The following TRPM3 variants were observed in gnomAD, a reference collection of about 807,000 sequenced individuals.
The protein encoded by TRPM3 is transient receptor potential cation channel subfamily M member 3.
In TRPM3, 77 loss-of-function variants were observed where a neutral mutation model predicts 181.2. The ratio of observed to expected loss-of-function variants is 0.42; its 90% CI spans 0.35 to 0.51. The LOEUF is 0.51. Among genes scored for constraint, TRPM3 ranks in the 20% least tolerant of loss-of-function variants. TRPM3 has a pLI of 0.01. For missense variants in TRPM3, 1,759 were observed against 2,196.7 expected, an observed-to-expected ratio of 0.80 and a Z score of 3.98; for synonymous variants, 745 against 796.4, an observed-to-expected ratio of 0.94 and a Z score of 1.09.
intron 1 of TRPM3, among the ~76,000 whole-genome samples, chr9:71,356,623 G>C (rs1052237166): frequency 1.3e-5 from 2 of 152,150 alleles, no homozygotes; most frequent in Non-Finnish European, 2.9e-5. Context: ...AGTTAAAGGA[G>C]ATAATCCATG....
chr9:70,777,013 C>T (rs1242891649), intron 7 of TRPM3, among the ~76,000 whole-genome samples: 1 of 152,000 alleles, frequency 6.6e-6, no homozygotes, highest in Non-Finnish European at 1.5e-5. Context: ...AGTTTGATAA[C>T]CACGTTTATT....
At chr9:71,074,017 A>G (rs28705359) in intron 1 of TRPM3, among the ~76,000 whole-genome samples, 21,511 of 152,114 alleles carry the variant, frequency 0.14, 3,671 homozygotes, top group African/African-American at 0.41. Context: ...ATTAAATTGG[A>G]GCTTTTCAGT....
At chr9:70,679,607 C>G (rs989311433) in intron 9 of TRPM3, among the ~76,000 whole-genome samples, 2 of 152,146 alleles carry the variant, frequency 1.3e-5, no homozygotes, top group Admixed American at 1.3e-4. Context: ...TGGGGTCAGA[C>G]TGTCTCTACC....
chr9:71,410,658 C>T (rs2093529637), intron 1 of TRPM3, among the ~76,000 whole-genome samples: 1 of 152,172 alleles, frequency 6.6e-6, no homozygotes, highest in East Asian at 1.9e-4. Flanking sequence ...GACGGATTCA[C>T]AGCCAAATTC....
chr9:70,918,225 G>C lies in TRPM3; in HGVS notation c.178-53714C>G, dbSNP rs2096620863. Among the ~76,000 whole-genome samples the C allele has an allele frequency of 2.6e-5, 4 of 152,130 alleles. No homozygotes were observed. In the South Asian group the frequency reaches 8.3e-4, roughly 31 times the overall value. On this transcript the variant is annotated intron_variant, in intron 1 of 25. Transcript: ENST00000677713. ...CATTAGACAGATCACTCAGAAAGAA[G>C]ATCAGCAAAGAAACACAGAACTTAG... is the stretch of plus-strand genomic sequence containing the variant.
At chr9:70,568,624 A>G (rs2051300447) in intron 22 of TRPM3, among the ~76,000 whole-genome samples, 1 of 152,248 alleles carries the variant, frequency 6.6e-6, no homozygotes, top group Non-Finnish European at 1.5e-5. Context: ...TGGCCATTTT[A>G]CAGATGAGTA....
intron 1 of TRPM3, among the ~76,000 whole-genome samples, chr9:70,913,589 C>T (rs2096560454): frequency 1.3e-5 from 2 of 152,080 alleles, no homozygotes; most frequent in South Asian, 4.2e-4. Context: ...CAAAAACAAC[C>T]AACAATTATT....
At chr9:71,012,823 G>T (rs2097756674) in intron 1 of TRPM3, among the ~76,000 whole-genome samples, 1 of 151,900 alleles carries the variant, frequency 6.6e-6, no homozygotes. Flanking sequence ...TAGATATTAT[G>T]TTATCAGTCA....
intron 6 of TRPM3, among the ~76,000 whole-genome samples, chr9:70,820,449 G>A (rs1588825960): frequency 1.3e-5 from 2 of 152,150 alleles, no homozygotes; most frequent in African/African-American, 2.4e-5. Flanking sequence ...GTGCAATGGT[G>A]AATTCCTGAC....
At chr9:70,589,907 A>G (rs991613806) in intron 22 of TRPM3, among the ~76,000 whole-genome samples, 5 of 151,908 alleles carry the variant, frequency 3.3e-5, no homozygotes, top group African/African-American at 1.2e-4. Flanking sequence ...CCTTGTCCCT[A>G]TTTTCCTGGT....
intron 1 of TRPM3, among the ~76,000 whole-genome samples, chr9:71,084,060 G>A (rs2064866378): frequency 6.6e-6 from 1 of 151,848 alleles, no homozygotes; most frequent in Non-Finnish European, 1.5e-5. Context: ...TACAGAAGAA[G>A]GAGATTTTTG....
chr9:71,121,245 CGAG>C lies in TRPM3; in HGVS notation c.107_109del (p.Pro36del). The C allele has an allele frequency of 6.2e-7, 1 of 1,614,098 alleles. No homozygotes were observed. The highest frequency in any genetic ancestry group is 8.5e-7 in the Non-Finnish European group (1 of 1,179,996). ...CTTCCGGATGGTCCAGTTTAGGGGT[CGAG>C]GAGCATCAGCCTGATTCATGACCCC... On this transcript the variant is annotated inframe_deletion, in exon 1 of 26. Coordinates refer to ENST00000677713, the MANE Select transcript of TRPM3 (RefSeq NM_001366145.2).
Position 70,677,076 on chromosome 9 carries a change from G to A in TRPM3, c.1345+4430C>T, listed in dbSNP as rs2064185699. 2.0e-5 allele frequency among the ~76,000 whole-genome samples: 3 copies of A among 151,880 alleles called. No individual in the cohort carries two copies. The East Asian group carries it at 5.8e-4, about 30-fold the overall frequency. On this transcript the variant is annotated intron_variant, in intron 9 of 25. Transcript: ENST00000677713. ...GTAGGAGGCGGGACTTGACTCCAGA[G>A]GCAGGGCTCGGACACTGGACCAAAG...
intron 22 of TRPM3, among the ~76,000 whole-genome samples, chr9:70,557,546 T>A (rs1288581358): frequency 1.3e-5 from 2 of 152,172 alleles, no homozygotes; most frequent in African/African-American, 4.8e-5. Context: ...GATGAACTGG[T>A]GCCTTAAAAC....
intron 1 of TRPM3, among the ~76,000 whole-genome samples, chr9:71,372,860 C>A (rs2092561212): frequency 6.6e-6 from 1 of 152,046 alleles, no homozygotes; most frequent in Non-Finnish European, 1.5e-5. Context: ...ATATTTACCT[C>A]TATCATATGA....
At chr9:71,030,789 T>C (rs1446717423) in intron 1 of TRPM3, among the ~76,000 whole-genome samples, 5 of 152,180 alleles carry the variant, frequency 3.3e-5, no homozygotes, top group Non-Finnish European at 7.4e-5. Context: ...TCAATGATAT[T>C]TGGCAGTTTT....
rs2073623426 is a variant in TRPM3, at chr9:71,121,401, C to T, written c.-47G>A. The T allele has an allele frequency of 1.3e-6, 2 of 1,591,908 alleles. No individual in the cohort carries two copies. The highest frequency in any genetic ancestry group is 2.3e-5 in the South Asian group (2 of 87,752). Reference sequence around the variant, plus strand: ...GCAAATTCCATTAGGGCAGAGGCTTCCTGGAACTTGGAAGACTAGTCAAGT... The same window carrying T: ...GCAAATTCCATTAGGGCAGAGGCTTTCTGGAACTTGGAAGACTAGTCAAGT... On this transcript the variant is annotated 5_prime_UTR_variant, in exon 1 of 26. Transcript: ENST00000677713.
At chr9:70,870,603 GA>G (rs1346293317) in intron 1 of TRPM3, among the ~76,000 whole-genome samples, 3 of 151,942 alleles carry the variant, frequency 2.0e-5, no homozygotes, top group Non-Finnish European at 4.4e-5. Flanking sequence ...TTATAATACA[GA>G]AAAAGTGGAA....
chr9:71,227,525 T>C (rs1412430676), intron 1 of TRPM3, among the ~76,000 whole-genome samples: 1 of 150,976 alleles, frequency 6.6e-6, no homozygotes, highest in Non-Finnish European at 1.5e-5. Flanking sequence ...AAATGAATAA[T>C]AAAAAGAGCG....
Sources: gnomAD v4.1 joint callset for allele counts (sites outside exome capture counted in the v4.1 genomes callset) on GRCh38, gnomAD v4.1.1 for gene constraint, MANE v1.5 for transcripts, NCBI Gene and HGNC (gene_info 2026-07-23, HGNC 2026-07-21) for gene names.